Variants in DOK6 observed in about 807,000 individuals in gnomAD.
DOK6 encodes the protein downstream of tyrosine kinase 6.
A neutral mutation model predicts 44.0 loss-of-function variants in DOK6; 22 were observed. The observed-to-expected ratio is 0.50, with a 90% CI of 0.36 to 0.71. DOK6 has a LOEUF of 0.71. DOK6 is among the 30% of genes least tolerant of loss of function. The probability of loss-of-function intolerance (pLI) is 0.00; values close to 1 mark genes in which losing one functional copy is unlikely to be tolerated. For synonymous variants in DOK6, 166 were observed against 145.5 expected (o/e 1.14, Z -1.01); for missense variants, 340 against 416.4 (o/e 0.82, Z 1.60).
chr18:69,421,132 C>A (rs1047199091), intron 1 of DOK6, among the ~76,000 whole-genome samples: 2 of 152,100 alleles, frequency 1.3e-5, no homozygotes, highest in African/African-American at 2.4e-5. Context: ...ACCTGAAAAA[C>A]CTTTACAAAA....
intron 1 of DOK6, among the ~76,000 whole-genome samples, chr18:69,538,361 G>A (rs1252685086): frequency 6.6e-6 from 1 of 151,866 alleles, no homozygotes; most frequent in Non-Finnish European, 1.5e-5. Context: ...AAAAGTTTGG[G>A]TGCCTTAGAT....
intron 2 of DOK6, among the ~76,000 whole-genome samples, chr18:69,569,790 A>G (rs1983070702): frequency 6.6e-6 from 1 of 152,208 alleles, no homozygotes; most frequent in African/African-American, 2.4e-5. Flanking sequence ...ACTATTCACA[A>G]TACCAAGGAC....
At chr18:69,615,616 C>A (rs1984265746) in intron 3 of DOK6, among the ~76,000 whole-genome samples, 1 of 152,148 alleles carries the variant, frequency 6.6e-6, no homozygotes, top group South Asian at 2.1e-4. Context: ...TGTAATGAGA[C>A]TTTAAATTTT....
chr18:69,431,201 C>T (rs567469290), intron 1 of DOK6, among the ~76,000 whole-genome samples: 1 of 152,288 alleles, frequency 6.6e-6, no homozygotes, highest in Non-Finnish European at 1.5e-5. Context: ...ACAGTATTTT[C>T]AGCAGGCACA....
chr18:69,832,321 T>C (rs894700734), intron 7 of DOK6, among the ~76,000 whole-genome samples: 2 of 152,188 alleles, frequency 1.3e-5, no homozygotes, highest in South Asian at 4.1e-4. Flanking sequence ...ATTTTGTTGA[T>C]GTAATGTATC....
intron 1 of DOK6, among the ~76,000 whole-genome samples, chr18:69,531,889 C>A (rs1981995237): frequency 6.6e-6 from 1 of 152,094 alleles, no homozygotes; most frequent in African/African-American, 2.4e-5. Flanking sequence ...TTTGTTGAAG[C>A]CCTAATCCCC....
chr18:69,805,218 C>A (rs1429516786), intron 7 of DOK6, among the ~76,000 whole-genome samples: 1 of 152,152 alleles, frequency 6.6e-6, no homozygotes, highest in Non-Finnish European at 1.5e-5. Flanking sequence ...GGCAAACATA[C>A]TGTTGAGACA....
chr18:69,724,586 T>C (rs1162489036), intron 5 of DOK6, among the ~76,000 whole-genome samples: 1 of 152,260 alleles, frequency 6.6e-6, no homozygotes, highest in Non-Finnish European at 1.5e-5. Flanking sequence ...ATGACATTTT[T>C]ATCCCATTCT....
intron 7 of DOK6, among the ~76,000 whole-genome samples, chr18:69,801,736 A>G (rs1980911143): frequency 6.6e-6 from 1 of 152,168 alleles, no homozygotes; most frequent in East Asian, 1.9e-4. Flanking sequence ...TGTTTTAATT[A>G]CCAAAAGTTA....
intron 3 of DOK6, among the ~76,000 whole-genome samples, chr18:69,655,650 G>A (rs1440571867): frequency 6.6e-6 from 1 of 150,896 alleles, no homozygotes; most frequent in Non-Finnish European, 1.5e-5. Context: ...CTACTCAGGA[G>A]ACTGAGGCAG....
chr18:69,827,845 C>T (rs2145129805), intron 7 of DOK6, among the ~76,000 whole-genome samples: 1 of 152,014 alleles, frequency 6.6e-6, no homozygotes, highest in East Asian at 1.9e-4. Context: ...AAGTCTCATT[C>T]TCATGAAAAT....
At chr18:69,738,187 A>G (rs1490072534) in intron 5 of DOK6, among the ~76,000 whole-genome samples, 1 of 152,240 alleles carries the variant, frequency 6.6e-6, no homozygotes, top group Non-Finnish European at 1.5e-5. Context: ...AGAAGAATCT[A>G]AAATCTTTTT....
chr18:69,421,866 G>A (rs539060319), intron 1 of DOK6, among the ~76,000 whole-genome samples: 5 of 151,748 alleles, frequency 3.3e-5, no homozygotes, highest in Non-Finnish European at 5.9e-5. Flanking sequence ...TCTGCGTTGA[G>A]GCATCCCAGC....
intron 4 of DOK6, among the ~76,000 whole-genome samples, chr18:69,685,187 G>A (rs1369393431): frequency 2.0e-5 from 3 of 152,012 alleles, no homozygotes; most frequent in Non-Finnish European, 2.9e-5. Context: ...ATATAATATT[G>A]GGATTTCATT....
intron 1 of DOK6, among the ~76,000 whole-genome samples, chr18:69,446,763 A>G (rs569761274): frequency 2.5e-4 from 38 of 152,240 alleles, no homozygotes; most frequent in Middle Eastern, 3.4e-3. Context: ...CTGGTTTGAG[A>G]TGGTATCTCA....
intron 1 of DOK6, among the ~76,000 whole-genome samples, chr18:69,422,012 C>G (rs746212160): frequency 3.5e-4 from 53 of 152,324 alleles, no homozygotes; most frequent in Admixed American, 1.5e-3. Flanking sequence ...AGAAGTCCAG[C>G]TAGAATCACT....
At chr18:69,761,779 A>T (rs1979562934) in intron 7 of DOK6, among the ~76,000 whole-genome samples, 1 of 152,062 alleles carries the variant, frequency 6.6e-6, no homozygotes. Flanking sequence ...CTCACTGAGG[A>T]TTGTCTGGAG....
chr18:69,715,603 A>T (rs775684420), intron 5 of DOK6, among the ~76,000 whole-genome samples: 13 of 152,174 alleles, frequency 8.5e-5, no homozygotes, highest in African/African-American at 3.1e-4. Flanking sequence ...GGGAAGCACA[A>T]CTTTTGACAT....
At chr18:69,685,983 G>A (rs1001509485) in intron 4 of DOK6, among the ~76,000 whole-genome samples, 1 of 152,006 alleles carries the variant, frequency 6.6e-6, no homozygotes, top group Non-Finnish European at 1.5e-5. Flanking sequence ...CCTAACCCCT[G>A]GTACCTCAGA....
Sources: allele counts gnomAD v4.1 joint callset (sites outside exome capture counted in the v4.1 genomes callset), GRCh38; gene constraint gnomAD v4.1.1; transcripts MANE v1.5; gene names NCBI Gene and HGNC (gene_info 2026-07-23, HGNC 2026-07-21).